The following FTCDNL1 variants were observed in gnomAD, a reference collection of about 807,000 sequenced individuals.
FTCDNL1 encodes formiminotransferase N-terminal subdomain-containing protein.
Under a neutral mutation model 5.9 loss-of-function variants are expected in FTCDNL1, and 11 were observed. The observed-to-expected ratio is 1.87, with a 90% CI of 1.18 to 3.10. The LOEUF (loss-of-function observed/expected upper bound fraction) is 3.10. Ranked by LOEUF, FTCDNL1 falls within the 30% of genes most tolerant of loss-of-function variation. FTCDNL1 has a pLI of 0.00. For synonymous variants in FTCDNL1, 58 were observed against 24.8 expected, an observed-to-expected ratio of 2.34 and a Z score of -3.99; for missense variants, 115 against 65.5, an observed-to-expected ratio of 1.76 and a Z score of -2.61.
chr2:199,780,443 T>C (rs1200646223), intron 3 of FTCDNL1, among the ~76,000 whole-genome samples: 1 of 152,176 alleles, frequency 6.6e-6, no homozygotes, highest in Non-Finnish European at 1.5e-5. Context: ...CCCCATGTGC[T>C]TCATGTAACA....
At chr2:199,666,867 C>T in the FTCDNL1 span, among the ~76,000 whole-genome samples, 1 of 150,404 alleles carries the variant, frequency 6.6e-6, no homozygotes, top group Non-Finnish European at 1.5e-5. Context: ...GTGGAGATTG[C>T]GCCACTGCAC....
the FTCDNL1 span, among the ~76,000 whole-genome samples, chr2:199,748,059 G>A: frequency 5.3e-5 from 8 of 152,018 alleles, no homozygotes; most frequent in African/African-American, 9.7e-5. Flanking sequence ...AAAAGAGAAC[G>A]AAGTCAACTT....
intron 3 of FTCDNL1, among the ~76,000 whole-genome samples, chr2:199,781,032 C>T (rs947504004): frequency 7.9e-5 from 12 of 152,156 alleles, no homozygotes; most frequent in African/African-American, 1.9e-4. Context: ...GTGCCAGCAC[C>T]GAGTGACTGG....
At chr2:199,677,417 C>T in the FTCDNL1 span, among the ~76,000 whole-genome samples, 3 of 152,120 alleles carry the variant, frequency 2.0e-5, no homozygotes, top group Non-Finnish European at 4.4e-5. Context: ...AAAAAGTGAT[C>T]ATGCCATCTA....
chr2:199,845,216 C>G (rs995301040), intron 3 of FTCDNL1, among the ~76,000 whole-genome samples: 1 of 152,088 alleles, frequency 6.6e-6, no homozygotes, highest in Admixed American at 6.6e-5. Flanking sequence ...ACAGTATGAC[C>G]ATTTTAGCAA....
At chr2:199,829,068 A>T (rs1702205744) in intron 3 of FTCDNL1, among the ~76,000 whole-genome samples, 1 of 152,182 alleles carries the variant, frequency 6.6e-6, no homozygotes, top group South Asian at 2.1e-4. Flanking sequence ...TTTGTTAGAC[A>T]AGGCATATAT....
chr2:199,706,893 T>C, the FTCDNL1 span, among the ~76,000 whole-genome samples: 7 of 152,330 alleles, frequency 4.6e-5, no homozygotes, highest in South Asian at 1.5e-3. Context: ...GCCGATTATA[T>C]GGGACATCCC....
At chr2:199,762,059 AAAC>A (rs1698296419) in intron 3 of FTCDNL1, among the ~76,000 whole-genome samples, 1 of 152,234 alleles carries the variant, frequency 6.6e-6, no homozygotes, top group African/African-American at 2.4e-5. Context: ...TGAGAAAAAA[AAAC>A]AATCTTGTAA....
chr2:199,805,919 GA>G (rs556234509), downstream of FTCDNL1, among the ~76,000 whole-genome samples: 639 of 136,268 alleles, frequency 4.7e-3, 2 homozygotes, highest in African/African-American at 0.012. Context: ...ACCTTGTCTT[GA>G]AAAAAAAAAA....
chr2:199,782,476 G>T lies in FTCDNL1; in HGVS notation c.212-21641C>A, dbSNP rs373190226. Among the ~76,000 whole-genome samples the T allele has an allele frequency of 1.3e-3, 196 of 152,316 alleles. No homozygotes were observed. The Middle Eastern group carries it at 0.017, about 13-fold the overall frequency. On this transcript the variant is annotated intron_variant, in intron 3 of 3. Transcript: ENST00000416668. ...TCAATTTACTATTTTGATTGAGGGG[G>T]AAAGTTTCAAAGGATTCCACATAGC... is the stretch of plus-strand genomic sequence containing the variant.
downstream of FTCDNL1, among the ~76,000 whole-genome samples, chr2:199,759,878 AC>A (rs1295134549): frequency 6.6e-6 from 1 of 152,216 alleles, no homozygotes; most frequent in Non-Finnish European, 1.5e-5. Flanking sequence ...CAACATGGCC[AC>A]ACCATCCTAG....
At chr2:199,765,556 A>ATATATATTTTT in intron 3 of FTCDNL1, among the ~76,000 whole-genome samples, 3 of 42,648 alleles carry the variant, frequency 7.0e-5, no homozygotes, top group Admixed American at 4.3e-4. Flanking sequence ...ATATATATAT[A>ATATATATTTTT]TTTTTTTTTT....
rs1181375031 is a variant in FTCDNL1, at chr2:199,819,599, C to T, written c.370G>A (p.Ala124Thr). ...GTTAAACCACATCTTTGGGAAGGGG[C>T]AGCTCCCAGGTCAGGCTGAAGAGCA... ...FSALQPDLGA[A>T]PSQRCGLTAC... Residue 124 changes from alanine (A) to threonine (T), a missense_variant, in exon 4 of 5, where the codon GCC (alanine) becomes ACC (threonine). By Grantham distance (58) the Ala-to-Thr change is moderately conservative (BLOSUM62 0). Transcript: ENST00000420128. 7.1e-6 allele frequency: 5 copies of T among 701,846 alleles called. No individual in the cohort carries two copies. The highest frequency in any genetic ancestry group is 1.7e-5 in the African/African-American group (1 of 57,176). The allele number at this position is 701,846 out of a possible 1,614,324, so 43.5% of individuals were successfully genotyped here.
the FTCDNL1 span, among the ~76,000 whole-genome samples, chr2:199,664,157 C>T: frequency 1.3e-5 from 2 of 151,882 alleles, no homozygotes; most frequent in South Asian, 4.2e-4. Flanking sequence ...CAATAAAGAT[C>T]GGTGATATTG....
chr2:199,681,383 G>A, the FTCDNL1 span, among the ~76,000 whole-genome samples: 1,671 of 152,240 alleles, frequency 0.011, 34 homozygotes, highest in African/African-American at 0.038. Flanking sequence ...TTGAACCCGG[G>A]AGGCGGAGGT....
At chr2:199,817,632 A>G (rs1424863541) in intron 4 of FTCDNL1, among the ~76,000 whole-genome samples, 1 of 151,876 alleles carries the variant, frequency 6.6e-6, no homozygotes, top group Admixed American at 6.6e-5. Flanking sequence ...TACAAAATAT[A>G]CTTGGAAGGA....
chr2:199,699,911 G>C, the FTCDNL1 span, among the ~76,000 whole-genome samples: 2 of 152,036 alleles, frequency 1.3e-5, no homozygotes, highest in African/African-American at 4.8e-5. Flanking sequence ...AAAATAATGA[G>C]AGCCACATAT....
the FTCDNL1 span, among the ~76,000 whole-genome samples, chr2:199,708,579 G>A: frequency 6.6e-6 from 1 of 152,064 alleles, no homozygotes; most frequent in African/African-American, 2.4e-5. Context: ...TTATTTCAAG[G>A]TTTGTTCTCA....
At chr2:199,785,880 G>A (rs1022115355) in intron 3 of FTCDNL1, among the ~76,000 whole-genome samples, 2 of 152,112 alleles carry the variant, frequency 1.3e-5, no homozygotes, top group Non-Finnish European at 2.9e-5. Flanking sequence ...GACCAGTTTC[G>A]TGGAAGACAA....
Sources: gnomAD v4.1 joint callset for allele counts (sites outside exome capture counted in the v4.1 genomes callset) on GRCh38, gnomAD v4.1.1 for gene constraint, MANE v1.5 for transcripts, NCBI Gene and HGNC (gene_info 2026-07-23, HGNC 2026-07-21) for gene names.